Variants in LAMTOR5 observed in about 807,000 individuals in gnomAD.
The protein encoded by LAMTOR5 is late endosomal/lysosomal adaptor, MAPK and MTOR activator 5.
LAMTOR5 carries 8 observed loss-of-function variants against 12.1 expected under a neutral mutation model. The observed-to-expected ratio is 0.66, with a 90% CI of 0.39 to 1.19. The LOEUF (loss-of-function observed/expected upper bound fraction) is 1.19. Among genes scored for constraint, LAMTOR5 ranks in the 50% most tolerant of loss-of-function variants. The probability of loss-of-function intolerance (pLI) is 0.01; values close to 1 mark genes in which losing one functional copy is unlikely to be tolerated. For synonymous variants in LAMTOR5, 37 were observed against 41.9 expected, an observed-to-expected ratio of 0.88 and a Z score of 0.45; for missense variants, 110 against 112.8, an observed-to-expected ratio of 0.97 and a Z score of 0.11.
chr1:110,407,214 GTTTACAC>G, intron 1 of LAMTOR5: 1 of 577,288 alleles, frequency 1.7e-6, no homozygotes, highest in Non-Finnish European at 3.1e-6. Flanking sequence ...ATACGTGTTT[GTTTACAC>G]TGCAGGGCTC....
At chr1:110,405,981 T>C (rs1413053264) in intron 2 of LAMTOR5, among the ~76,000 whole-genome samples, 3 of 152,242 alleles carry the variant, frequency 2.0e-5, no homozygotes, top group Non-Finnish European at 4.4e-5. Context: ...ATTTAGAGCC[T>C]AGCAGTCTCA....
chr1:110,405,409 C>CCCGCCT lies in LAMTOR5; in HGVS notation c.97+903_97+908dup, dbSNP rs898674647. Among the ~76,000 whole-genome samples, 310 of 152,210 alleles carry CCCGCCT rather than the reference C, an allele frequency of 2.0e-3. 3 individuals carry two copies. Among genetic ancestry groups the CCCGCCT allele is most frequent in the African/African-American group, 6.9e-3 (288 of 41,534 alleles). On this transcript the variant is annotated intron_variant, in intron 2 of 3. Coordinates refer to ENST00000602318, the MANE Select transcript of LAMTOR5 (RefSeq NM_001382293.1). ...CGAACTCCTGACCTCAGGTGATCCA[C>CCCGCCT]CCGCCTCCGCCTCCCAAAGTGCTGG...
chr1:110,407,903 G>A (rs1324777126), upstream of LAMTOR5: 1 of 1,595,044 alleles, frequency 6.3e-7, no homozygotes, highest in Non-Finnish European at 8.6e-7. Context: ...CCCCTCTCGG[G>A]AGAGGTCTGC....
intron 1 of LAMTOR5, 45 bp from the exon 2 acceptor site, chr1:110,406,424 A>T (rs1205757789): frequency 7.3e-7 from 1 of 1,373,384 alleles, no homozygotes; most frequent in Non-Finnish European, 1.0e-6. Flanking sequence ...AATGGGAGAA[A>T]AAGGATTTAA....
chr1:110,407,273 T>G, intron 1 of LAMTOR5: 1 of 571,994 alleles, frequency 1.7e-6, no homozygotes, highest in Non-Finnish European at 3.1e-6. Flanking sequence ...AGTCAACCCG[T>G]TTTCTAAAAC....
chr1:110,401,781 CCT>C (rs1663235694), intron 3 of LAMTOR5, among the ~76,000 whole-genome samples, 198 bp from the exon 4 acceptor site: 1 of 152,148 alleles, frequency 6.6e-6, no homozygotes, highest in African/African-American at 2.4e-5. Flanking sequence ...AATCCTTAAT[CCT>C]ACTACACACA....
intron 2 of LAMTOR5, among the ~76,000 whole-genome samples, chr1:110,405,190 C>T (rs888090742): frequency 6.6e-6 from 1 of 151,952 alleles, no homozygotes; most frequent in Non-Finnish European, 1.5e-5. Context: ...GACAGAGTCT[C>T]GCTCTTGTCA....
upstream of LAMTOR5, chr1:110,407,871 G>C (rs1663373616): frequency 6.2e-7 from 1 of 1,611,774 alleles, no homozygotes; most frequent in Non-Finnish European, 8.5e-7. Flanking sequence ...CTCCATGGCG[G>C]AACCGGCCGG....
chr1:110,404,040 G>T lies in LAMTOR5; in HGVS notation c.98-4C>A, dbSNP rs572734967. On this transcript the variant is annotated splice_polypyrimidine_tract_variant and splice_region_variant and intron_variant, in intron 2 of 3. Transcript: ENST00000602318. ...TCATCTGACAGGGTCCCGCGGCCTG[G>T]AAAATAGAGATGATATATGTCACCT... The T allele has an allele frequency of 6.2e-7, 1 of 1,613,170 alleles. No homozygotes were observed. The highest frequency in any genetic ancestry group is 8.5e-7 in the Non-Finnish European group (1 of 1,179,726).
At chr1:110,402,147 C>T (rs1057352215) in intron 3 of LAMTOR5, among the ~76,000 whole-genome samples, 1 of 152,180 alleles carries the variant, frequency 6.6e-6, no homozygotes, top group Admixed American at 6.5e-5. Context: ...CTGGTGTAAA[C>T]AAATTGTGCT....
At chr1:110,403,127 T>C (rs147406119) in intron 3 of LAMTOR5, among the ~76,000 whole-genome samples, 4 of 152,358 alleles carry the variant, frequency 2.6e-5, no homozygotes, top group African/African-American at 9.6e-5. Context: ...AAGTACACTC[T>C]ATGATGTTCA....
intron 1 of LAMTOR5, chr1:110,407,074 G>GCAGGT (rs1382909609): frequency 1.4e-6 from 1 of 697,248 alleles, no homozygotes; most frequent in Non-Finnish European, 2.6e-6. Context: ...TCGGTGGGAG[G>GCAGGT]CAGGTGTCTC....
chr1:110,403,644 C>A (rs1246964527), intron 3 of LAMTOR5: 2 of 278,112 alleles, frequency 7.2e-6, no homozygotes, highest in Non-Finnish European at 1.3e-5. Flanking sequence ...AATTTTTATT[C>A]TCTGATTAGT....
chr1:110,403,158 C>A (rs889740591), intron 3 of LAMTOR5, among the ~76,000 whole-genome samples: 1 of 152,192 alleles, frequency 6.6e-6, no homozygotes, highest in Non-Finnish European at 1.5e-5. Flanking sequence ...CTGCCTGACA[C>A]ATTTCTCAGA....
chr1:110,407,924 C>T (rs563419458), upstream of LAMTOR5: 4 of 1,552,208 alleles, frequency 2.6e-6, no homozygotes, highest in Non-Finnish European at 3.5e-6. Context: ...AGCCGGGCCT[C>T]AGTGCTTCAG....
chr1:110,405,935 A>G (rs920242825), intron 2 of LAMTOR5, among the ~76,000 whole-genome samples: 1 of 152,092 alleles, frequency 6.6e-6, no homozygotes, highest in Non-Finnish European at 1.5e-5. Flanking sequence ...TACACCACCC[A>G]CCTTGCCGGG....
chr1:110,403,442 CTACAAAAAAA>C, intron 3 of LAMTOR5, among the ~76,000 whole-genome samples: 1 of 151,872 alleles, frequency 6.6e-6, no homozygotes, highest in Non-Finnish European at 1.5e-5. Context: ...AACCTCATCT[CTACAAAAAAA>C]TACAAAAATT....
chr1:110,406,717 G>C (rs1349719194), intron 1 of LAMTOR5: 4 of 287,858 alleles, frequency 1.4e-5, no homozygotes, highest in East Asian at 1.4e-4. Context: ...CCAGCTACTC[G>C]GGAGGCTGAG....
In LAMTOR5 at chr1:110,407,671, C is replaced by T. The variant is rs375886789; in HGVS notation, c.-51G>A. 5.2e-5 allele frequency: 84 copies of T among 1,614,120 alleles called. No homozygotes were observed. The highest frequency in any genetic ancestry group is 1.7e-4 in the Admixed American group (10 of 60,014). ...GAACCCAGCGGCACGGCACGTCCTTCTCCACCACAGGCCTCAGTCACTTGA... is the reference window on the plus strand; with the variant it reads ...GAACCCAGCGGCACGGCACGTCCTTTTCCACCACAGGCCTCAGTCACTTGA... On this transcript the variant is annotated 5_prime_UTR_variant, in exon 1 of 4. Coordinates refer to ENST00000602318, the MANE Select transcript of LAMTOR5 (RefSeq NM_001382293.1).
Sources: allele counts gnomAD v4.1 joint callset (sites outside exome capture counted in the v4.1 genomes callset), GRCh38; gene constraint gnomAD v4.1.1; transcripts MANE v1.5; gene names NCBI Gene and HGNC (gene_info 2026-07-23, HGNC 2026-07-21).